Variants in DLGAP2 observed in about 807,000 individuals in gnomAD.
DLGAP2 encodes disks large-associated protein 2.
In DLGAP2, 26 loss-of-function variants were observed where a neutral mutation model predicts 100.3. That is an observed-to-expected ratio of 0.26 (90% CI 0.19 to 0.36). DLGAP2 has a LOEUF of 0.36. Ranked by LOEUF, DLGAP2 falls within the 10% of genes least tolerant of loss-of-function variation. The pLI is 1.00. For synonymous variants in DLGAP2, 886 were observed against 630.1 expected, an observed-to-expected ratio of 1.41 and a Z score of -6.08; for missense variants, 1,858 against 1,453.2, an observed-to-expected ratio of 1.28 and a Z score of -4.53.
intron 3 of DLGAP2, among the ~76,000 whole-genome samples, chr8:1,319,029 C>T (rs534122406): frequency 4.8e-5 from 7 of 146,562 alleles, no homozygotes; most frequent in South Asian, 4.5e-4. Context: ...AGTGCGAGCT[C>T]GGTGGCGAAC....
chr8:1,202,411 T>C (rs1797899208), intron 2 of DLGAP2, among the ~76,000 whole-genome samples: 1 of 152,134 alleles, frequency 6.6e-6, no homozygotes, highest in African/African-American at 2.4e-5. Flanking sequence ...GGGGCGTGTG[T>C]GAGCCCTCAG....
rs1275295361 is a variant in DLGAP2 at position 1,308,764 on chromosome 8, A to G, written c.106+49881A>G. ...GGTCTTGAACTCCCGACCTCGGATGATCTGCCCGCCTCAGCCTCCCCAAGT... is the reference window on the plus strand; with the variant it reads ...GGTCTTGAACTCCCGACCTCGGATGGTCTGCCCGCCTCAGCCTCCCCAAGT... On this transcript the variant is annotated intron_variant, in intron 3 of 14. Transcript: ENST00000637795. Among the ~76,000 whole-genome samples, 8 of 152,198 alleles carry G rather than the reference A, an allele frequency of 5.3e-5. No individual in the cohort carries two copies. In the East Asian group the frequency reaches 1.3e-3, roughly 26 times the overall value.
chr8:1,221,294 G>A (rs1157909038), intron 2 of DLGAP2, among the ~76,000 whole-genome samples: 1 of 152,170 alleles, frequency 6.6e-6, no homozygotes, highest in Non-Finnish European at 1.5e-5. Context: ...CAGGTCTGGT[G>A]CTAATGAATT....
chr8:1,569,797 C>A (rs369946514), intron 6 of DLGAP2, among the ~76,000 whole-genome samples: 1 of 152,174 alleles, frequency 6.6e-6, no homozygotes, highest in South Asian at 2.1e-4. Flanking sequence ...TGGCACTGCT[C>A]TGTGGAGGGC....
At chr8:1,447,407 G>C (rs1798011195) in intron 3 of DLGAP2, among the ~76,000 whole-genome samples, 1 of 152,156 alleles carries the variant, frequency 6.6e-6, no homozygotes, top group Non-Finnish European at 1.5e-5. Flanking sequence ...TGCATATGTT[G>C]AACCATCCTT....
intron 6 of DLGAP2, among the ~76,000 whole-genome samples, chr8:1,603,230 G>A (rs1444665964): frequency 6.6e-6 from 1 of 150,794 alleles, no homozygotes; most frequent in Non-Finnish European, 1.5e-5. Context: ...TGGAGGCTGG[G>A]TCTCAGTTCT....
At chr8:1,672,025 T>G (rs749828591) in intron 10 of DLGAP2, among the ~76,000 whole-genome samples, 11 of 152,210 alleles carry the variant, frequency 7.2e-5, no homozygotes, top group Non-Finnish European at 1.6e-4. Context: ...CTTTGCGGTT[T>G]GTCTCTCCTG....
At position 1,073,341 on chromosome 8, in the gene DLGAP2, G is replaced by T. The variant is rs559356432; in HGVS notation, c.73+165375G>T. On this transcript the variant is annotated intron_variant, in intron 2 of 14. Transcript: ENST00000637795. ...CATTTGTTTTACTAAATTACAGGGA[G>T]CTATAAAGTTTTGTAGTTAATACGT... 3.1e-4 allele frequency among the ~76,000 whole-genome samples: 47 copies of T among 152,078 alleles called. 1 individual carries two copies. In the South Asian group the frequency reaches 8.9e-3, roughly 29 times the overall value.
chr8:748,883 G>A (rs1039303058), intron 1 of DLGAP2, among the ~76,000 whole-genome samples: 1 of 152,224 alleles, frequency 6.6e-6, no homozygotes, highest in Non-Finnish European at 1.5e-5. Flanking sequence ...TTTGCTTTCT[G>A]ACAACTTTTA....
At chr8:1,076,340 T>G (rs1379741534) in intron 2 of DLGAP2, among the ~76,000 whole-genome samples, 1 of 152,230 alleles carries the variant, frequency 6.6e-6, no homozygotes, top group Admixed American at 6.5e-5. Context: ...GAGCTGCAAG[T>G]CCCAGCTCAC....
At chr8:1,145,942 C>G (rs965835875) in intron 2 of DLGAP2, among the ~76,000 whole-genome samples, 2 of 151,776 alleles carry the variant, frequency 1.3e-5, no homozygotes, top group African/African-American at 4.8e-5. Context: ...AGGACATGAA[C>G]TCATCATTTT....
chr8:1,497,234 G>A (rs993008285), intron 3 of DLGAP2, among the ~76,000 whole-genome samples: 1 of 152,200 alleles, frequency 6.6e-6, no homozygotes, highest in Non-Finnish European at 1.5e-5. Context: ...GTTTTGTTTT[G>A]GCGATGGAAA....
At chr8:1,607,422 C>T (rs1342451177) in intron 6 of DLGAP2, among the ~76,000 whole-genome samples, 2 of 152,186 alleles carry the variant, frequency 1.3e-5, no homozygotes, top group East Asian at 3.9e-4. Context: ...ACTGTCCTTT[C>T]TCAAAGGAAA....
At chr8:1,294,848 G>A (rs1477875501) in intron 3 of DLGAP2, among the ~76,000 whole-genome samples, 3 of 148,340 alleles carry the variant, frequency 2.0e-5, no homozygotes, top group South Asian at 2.1e-4. Context: ...CAGCCTGGGC[G>A]ACAGAGCAAG....
At chr8:949,584 G>T (rs1270386319) in intron 2 of DLGAP2, among the ~76,000 whole-genome samples, 1 of 152,212 alleles carries the variant, frequency 6.6e-6, no homozygotes, top group African/African-American at 2.4e-5. Context: ...GTGCCAGGGC[G>T]TGTGCTCCCC....
At chr8:1,239,268 A>G (rs1388127183) in intron 2 of DLGAP2, among the ~76,000 whole-genome samples, 2 of 5,014 alleles carry the variant, frequency 4.0e-4, no homozygotes, top group African/African-American at 2.5e-3. Flanking sequence ...ACATGGCACC[A>G]TGTCTAGTTC....
At position 769,602 on chromosome 8, in the gene DLGAP2, G is replaced by T. The variant is rs181193743; in HGVS notation, c.18+31777G>T. ...GGCTAATTTATTGATTCAAAATTTT[G>T]ATGAGTTACAGACATCTGTGGTGAC... On this transcript the variant is annotated intron_variant, in intron 1 of 14. Coordinates refer to ENST00000637795, the MANE Select transcript of DLGAP2 (RefSeq NM_001346810.2). 2.6e-5 allele frequency among the ~76,000 whole-genome samples: 4 copies of T among 152,254 alleles called. No homozygotes were observed. The East Asian group carries it at 5.8e-4, about 22-fold the overall frequency.
chr8:871,009 C>T (rs1029992351), intron 1 of DLGAP2, among the ~76,000 whole-genome samples: 1 of 152,182 alleles, frequency 6.6e-6, no homozygotes, highest in African/African-American at 2.4e-5. Flanking sequence ...CCTGGTTCTT[C>T]AGAATAAATA....
chr8:1,673,843 A>T (rs2130847443), intron 10 of DLGAP2, among the ~76,000 whole-genome samples: 1 of 152,316 alleles, frequency 6.6e-6, no homozygotes, highest in East Asian at 1.9e-4. Context: ...AATAACAAAA[A>T]TATATTAGAG....
Sources: allele counts gnomAD v4.1 joint callset (sites outside exome capture counted in the v4.1 genomes callset), GRCh38; gene constraint gnomAD v4.1.1; transcripts MANE v1.5; gene names NCBI Gene and HGNC (gene_info 2026-07-23, HGNC 2026-07-21).